The following SLC17A6 variants were observed in gnomAD, a reference collection of about 807,000 sequenced individuals.
SLC17A6 encodes solute carrier family 17 member 6, also known as vesicular glutamate transporter 2.
SLC17A6 carries 35 observed loss-of-function variants against 67.1 expected under a neutral mutation model. That is an observed-to-expected ratio of 0.52 (90% CI 0.40 to 0.69). The LOEUF is 0.69. SLC17A6 is among the 30% of genes least tolerant of loss of function. The probability of loss-of-function intolerance (pLI) is 0.00; values close to 1 mark genes in which losing one functional copy is unlikely to be tolerated. For synonymous variants in SLC17A6, 285 were observed against 252.3 expected (o/e 1.13, Z -1.23); for missense variants, 588 against 723.9 (o/e 0.81, Z 2.15).
At position 22,356,071 on chromosome 11, in the gene SLC17A6, G is replaced by A. The variant is rs75138634; in HGVS notation, c.459-3342G>A. 6.1e-3 allele frequency among the ~76,000 whole-genome samples: 927 copies of A among 152,232 alleles called. 35 individuals are homozygous for A. In the East Asian group the frequency reaches 0.11, roughly 18 times the overall value. On this transcript the variant is annotated intron_variant, in intron 3 of 11. Transcript: ENST00000263160. Reference sequence around the variant, plus strand: ...GTCAGAGAGCCCTGGATTTAAATCTGAGCTTTACTACTTGCTTTTTTTCTT... The same window carrying A: ...GTCAGAGAGCCCTGGATTTAAATCTAAGCTTTACTACTTGCTTTTTTTCTT...
At chr11:22,355,314 A>G (rs1042269483) in intron 3 of SLC17A6, among the ~76,000 whole-genome samples, 9 of 152,186 alleles carry the variant, frequency 5.9e-5, no homozygotes, top group Non-Finnish European at 1.3e-4. Context: ...ACAACGTACT[A>G]GTTACATAAT....
chr11:22,374,226 A>T (rs1020492126), intron 8 of SLC17A6, among the ~76,000 whole-genome samples: 2 of 152,204 alleles, frequency 1.3e-5, no homozygotes, highest in Non-Finnish European at 2.9e-5. Flanking sequence ...TTGATATTTG[A>T]CACAGAAAAT....
At chr11:22,342,984 T>C in intron 2 of SLC17A6, 1 of 560,490 alleles carries the variant, frequency 1.8e-6, no homozygotes, top group Non-Finnish European at 3.4e-6. Flanking sequence ...TTCATTCAGA[T>C]GATTCGATCT....
chr11:22,361,508 A>G (rs1466411749), intron 5 of SLC17A6, among the ~76,000 whole-genome samples: 1 of 152,126 alleles, frequency 6.6e-6, no homozygotes, highest in African/African-American at 2.4e-5. Context: ...ATAGAAAATA[A>G]CTATTATAAT....
At chr11:22,362,864 T>C in intron 6 of SLC17A6, 39 bp downstream of exon 6, 1 of 1,497,922 alleles carries the variant, frequency 6.7e-7, no homozygotes. Flanking sequence ...AAAGGAAATG[T>C]GCATAGGCTA....
At chr11:22,362,344 A>G in intron 5 of SLC17A6, 1 of 342,784 alleles carries the variant, frequency 2.9e-6, no homozygotes, top group Non-Finnish European at 5.8e-6. Context: ...ACAAACATGA[A>G]ACTGCACGAA....
At chr11:22,342,798 C>G (rs1018263289) in intron 2 of SLC17A6, 1 of 351,682 alleles carries the variant, frequency 2.8e-6, no homozygotes, top group Admixed American at 3.6e-5. Flanking sequence ...TTGCTCCCCA[C>G]CTTCCTTCCT....
intron 10 of SLC17A6, 61 bp from the exon 11 acceptor site, chr11:22,376,484 T>C: frequency 6.3e-7 from 1 of 1,596,778 alleles, no homozygotes; most frequent in South Asian, 1.1e-5. Flanking sequence ...TGTGGTTCTA[T>C]AGGTATTTAC....
intron 3 of SLC17A6, among the ~76,000 whole-genome samples, chr11:22,349,754 A>T (rs921275863): frequency 6.6e-6 from 1 of 152,088 alleles, no homozygotes; most frequent in Admixed American, 6.5e-5. Context: ...GTATCAAGGG[A>T]CTCAGAGGGT....
chr11:22,348,746 G>C (rs998185790), intron 3 of SLC17A6, among the ~76,000 whole-genome samples: 4 of 152,086 alleles, frequency 2.6e-5, no homozygotes, highest in African/African-American at 9.7e-5. Context: ...CAAAAGCATG[G>C]CTTTAAAATT....
intron 7 of SLC17A6, among the ~76,000 whole-genome samples, 193 bp downstream of exon 7, chr11:22,365,882 CTT>C (rs1478891007): frequency 6.6e-6 from 1 of 151,808 alleles, no homozygotes; most frequent in East Asian, 1.9e-4. Context: ...TATTTTTTTC[CTT>C]TATCCTTTCT....
At chr11:22,375,919 G>A in intron 9 of SLC17A6, 63 bp from the exon 10 acceptor site, 1 of 1,148,110 alleles carries the variant, frequency 8.7e-7, no homozygotes, top group Non-Finnish European at 1.3e-6. Flanking sequence ...ATTTTTAGCA[G>A]TTTTGGCTCA....
At chr11:22,367,005 G>GA (rs376547104) in intron 7 of SLC17A6, among the ~76,000 whole-genome samples, 17,740 of 78,690 alleles carry the variant, frequency 0.23, 2,322 homozygotes, top group Middle Eastern at 0.32. Context: ...ACTCCGTCTC[G>GA]AAAAAAAAAA....
intron 5 of SLC17A6, 45 bp from the exon 6 acceptor site, chr11:22,362,694 C>T (rs1473497599): frequency 6.9e-7 from 1 of 1,455,160 alleles, no homozygotes; most frequent in Non-Finnish European, 9.7e-7. Context: ...TCAATAATTT[C>T]TACTGATTTC....
At chr11:22,361,936 A>T (rs2133870530) in intron 5 of SLC17A6, among the ~76,000 whole-genome samples, 1 of 152,280 alleles carries the variant, frequency 6.6e-6, no homozygotes, top group Admixed American at 6.5e-5. Flanking sequence ...TAAGGTTAAC[A>T]GTATTATTGC....
chr11:22,344,331 A>T (rs975121517), intron 3 of SLC17A6, among the ~76,000 whole-genome samples: 2 of 152,084 alleles, frequency 1.3e-5, no homozygotes, highest in Non-Finnish European at 2.9e-5. Flanking sequence ...GCATCTCCCT[A>T]ATAGTGGTCA....
At chr11:22,341,801 C>CT (rs1170756552) in intron 2 of SLC17A6, 21 bp downstream of exon 2, 2 of 1,611,672 alleles carry the variant, frequency 1.2e-6, no homozygotes, top group Non-Finnish European at 1.7e-6. Flanking sequence ...TCTGGCCGCC[C>CT]TGGCTCCTGC....
intron 7 of SLC17A6, among the ~76,000 whole-genome samples, chr11:22,367,619 G>C (rs1437131538): frequency 2.0e-5 from 3 of 152,136 alleles, no homozygotes; most frequent in Non-Finnish European, 4.4e-5. Context: ...AAATTAATGT[G>C]ATCAGCCTAT....
intron 7 of SLC17A6, among the ~76,000 whole-genome samples, chr11:22,367,940 T>C (rs1198645180): frequency 6.6e-6 from 1 of 152,160 alleles, no homozygotes; most frequent in East Asian, 1.9e-4. Context: ...TAATTTGAAC[T>C]TTTTTTATTG....
Sources: allele counts gnomAD v4.1 joint callset (sites outside exome capture counted in the v4.1 genomes callset), GRCh38; gene constraint gnomAD v4.1.1; transcripts MANE v1.5; gene names NCBI Gene and HGNC (gene_info 2026-07-23, HGNC 2026-07-21).